The following EWSR1 variants were observed in gnomAD, a reference collection of about 807,000 sequenced individuals.
EWSR1 encodes RNA-binding protein EWS.
A neutral mutation model predicts 92.1 loss-of-function variants in EWSR1; 14 were observed. The ratio of observed to expected loss-of-function variants is 0.15; its 90% CI spans 0.10 to 0.24. EWSR1 has a LOEUF of 0.24. Ranked by LOEUF, EWSR1 falls within the 10% of genes least tolerant of loss-of-function variation. EWSR1 has a pLI of 1.00. For missense variants in EWSR1, 637 were observed against 870.9 expected, an observed-to-expected ratio of 0.73 and a Z score of 3.38; for synonymous variants, 303 against 292.9, an observed-to-expected ratio of 1.03 and a Z score of -0.35.
In EWSR1 at chr22:29,272,401, G is replaced by A; in HGVS notation, c.72G>A (p.Gln24=). The A allele has an allele frequency of 1.2e-6, 2 of 1,613,186 alleles. No individual in the cohort carries two copies. The highest frequency in any genetic ancestry group is 1.7e-5 in the Admixed American group (1 of 60,000). Residue 24 remains glutamine, a synonymous_variant, in exon 3 of 17, where the codon CAG becomes CAA. Coordinates refer to ENST00000397938, the MANE Select transcript of EWSR1 (RefSeq NM_005243.4). ...GCAGCTACAGTGCTTACACCGCCCA[G>A]CCCACTCAAGGATATGCACAGACCA... The part of the protein sequence containing the change: ...AQQGYSAYTA[Q]PTQGYAQTTQ...
At chr22:29,299,392 T>G in intron 15 of EWSR1, 61 bp downstream of exon 15, 1 of 1,565,594 alleles carries the variant, frequency 6.4e-7, no homozygotes, top group Non-Finnish European at 8.7e-7. Flanking sequence ...TTTTCTTATT[T>G]GTGGGCTTGG....
intron 4 of EWSR1, chr22:29,277,544 T>C (rs1011267410): frequency 1.7e-5 from 4 of 228,864 alleles, no homozygotes. Context: ...TTACAGGTTT[T>C]AGTGCTAGAA....
chr22:29,297,455 G>A (rs966125915), intron 12 of EWSR1, among the ~76,000 whole-genome samples: 3 of 152,166 alleles, frequency 2.0e-5, no homozygotes, highest in Non-Finnish European at 4.4e-5. Flanking sequence ...ACTTCAGGAG[G>A]CCAAGGCAGG....
At chr22:29,298,921 T>C (rs2061108321) in intron 14 of EWSR1, 26 bp downstream of exon 14, 1 of 1,524,036 alleles carries the variant, frequency 6.6e-7, no homozygotes, top group Non-Finnish European at 8.8e-7. Context: ...GGCAAATTGA[T>C]ACCCTACGAG....
intron 5 of EWSR1, among the ~76,000 whole-genome samples, chr22:29,281,832 T>G (rs1346967649): frequency 5.4e-5 from 8 of 148,396 alleles, no homozygotes; most frequent in African/African-American, 2.0e-4. Context: ...TGATCCGCCC[T>G]CCTCGGCCTC....
chr22:29,274,001 A>G, intron 4 of EWSR1, 137 bp downstream of exon 4: 1 of 1,183,908 alleles, frequency 8.4e-7, no homozygotes, highest in Non-Finnish European at 1.2e-6. Context: ...AGGAAGAGGT[A>G]TTTTTTCTCT....
At chr22:29,275,942 T>TG (rs1278465924) in intron 4 of EWSR1, 9 of 231,718 alleles carry the variant, frequency 3.9e-5, no homozygotes, top group East Asian at 1.2e-4. Context: ...TTTGTTTTTT[T>TG]TTTGGTCATT....
At chr22:29,286,190 C>G (rs1040104816) in intron 6 of EWSR1, among the ~76,000 whole-genome samples, 1 of 151,532 alleles carries the variant, frequency 6.6e-6, no homozygotes, top group Non-Finnish European at 1.5e-5. Flanking sequence ...GTTCCCGAGT[C>G]GCCAAGGCTG....
chr22:29,290,218 T>C, intron 8 of EWSR1: 1 of 535,826 alleles, frequency 1.9e-6, no homozygotes, highest in South Asian at 2.8e-5. Context: ...TGTCGGATCC[T>C]GTGGGGATAG....
intron 4 of EWSR1, among the ~76,000 whole-genome samples, chr22:29,275,009 T>C (rs1267890497): frequency 6.6e-6 from 1 of 152,238 alleles, no homozygotes; most frequent in East Asian, 1.9e-4. Flanking sequence ...GAAAAACCTG[T>C]CTGTAATTTA....
At chr22:29,273,899 C>G (rs1478782837) in intron 4 of EWSR1, 35 bp downstream of exon 4, 1 of 1,611,214 alleles carries the variant, frequency 6.2e-7, no homozygotes. Context: ...TTGGGTCGTT[C>G]TGGCTAGGGC....
intron 1 of EWSR1, among the ~76,000 whole-genome samples, chr22:29,271,832 C>T (rs1275704575): frequency 3.9e-5 from 6 of 152,100 alleles, no homozygotes; most frequent in Non-Finnish European, 7.3e-5. Flanking sequence ...TTGTTGCATG[C>T]CTCCGTTTTA....
intron 1 of EWSR1, among the ~76,000 whole-genome samples, chr22:29,270,256 C>A (rs550156568): frequency 2.2e-4 from 34 of 152,232 alleles, no homozygotes; most frequent in African/African-American, 7.9e-4. Context: ...TAGAAAAGTA[C>A]GTAAAGCATA....
chr22:29,284,365 TCCC>T (rs2059856237), intron 6 of EWSR1, among the ~76,000 whole-genome samples: 1 of 151,424 alleles, frequency 6.6e-6, no homozygotes, highest in South Asian at 2.1e-4. Context: ...AAGTAGCGGT[TCCC>T]TTTTTTGCAC....
chr22:29,281,797 G>C (rs1253608942), intron 5 of EWSR1, among the ~76,000 whole-genome samples: 1 of 150,930 alleles, frequency 6.6e-6, no homozygotes, highest in African/African-American at 2.4e-5. Flanking sequence ...GTCTTAGCCA[G>C]GATGGTCTCA....
intron 3 of EWSR1, among the ~76,000 whole-genome samples, chr22:29,272,856 G>A (rs1179527110): frequency 3.9e-5 from 6 of 152,146 alleles, no homozygotes; most frequent in South Asian, 2.1e-4. Context: ...AAAAACTGGC[G>A]ACCTAGCCAA....
intron 6 of EWSR1, among the ~76,000 whole-genome samples, chr22:29,286,347 C>T (rs551593733): frequency 3.3e-5 from 5 of 151,006 alleles, no homozygotes; most frequent in Non-Finnish European, 5.9e-5. Context: ...ATGGGAGTGG[C>T]GATTAAGAGA....
intron 12 of EWSR1, among the ~76,000 whole-genome samples, chr22:29,296,835 G>C (rs898628893): frequency 6.6e-6 from 1 of 152,058 alleles, no homozygotes; most frequent in Non-Finnish European, 1.5e-5. Context: ...GAATCCAGGG[G>C]CTTGAGACCA....
rs779703503 is a variant in EWSR1, at chr22:29,299,347, A to C, written c.1678+16A>C. 1.2e-6 allele frequency: 2 copies of C among 1,608,726 alleles called. No homozygotes were observed. The highest frequency in any genetic ancestry group is 4.5e-5 in the East Asian group (2 of 44,724). On this transcript the variant is annotated intron_variant, in intron 15 of 16. Coordinates refer to ENST00000397938, the MANE Select transcript of EWSR1 (RefSeq NM_005243.4). ...CCGCCCCCGGGTAGGTGCAGGTTTC[A>C]TGAGTGTCCCCTCAGCTTCCTGGTG...
Sources: gnomAD v4.1 joint callset for allele counts (sites outside exome capture counted in the v4.1 genomes callset) on GRCh38, gnomAD v4.1.1 for gene constraint, MANE v1.5 for transcripts, NCBI Gene and HGNC (gene_info 2026-07-23, HGNC 2026-07-21) for gene names.